STX18: variants seen among roughly 807,000 people sequenced by gnomAD.
STX18 encodes syntaxin-18.
In STX18, 40 loss-of-function variants were observed where a neutral mutation model predicts 50.1. The ratio of observed to expected loss-of-function variants is 0.80; its 90% CI spans 0.62 to 1.04. The LOEUF (loss-of-function observed/expected upper bound fraction) is 1.04. Among genes scored for constraint, STX18 ranks in the 50% least tolerant of loss-of-function variants. STX18 has a pLI of 0.00. For missense variants in STX18, 410 were observed against 415.8 expected (o/e 0.99, Z 0.12); for synonymous variants, 158 against 151.8 (o/e 1.04, Z -0.30).
intron 1 of STX18, chr4:4,499,432 C>CA: frequency 1.1e-6 from 1 of 892,680 alleles, no homozygotes; most frequent in Non-Finnish European, 1.3e-6. Flanking sequence ...CAAAGAAAAC[C>CA]ATACTGTGCT....
intron 7 of STX18, among the ~76,000 whole-genome samples, chr4:4,434,317 A>G (rs969119873): frequency 2.0e-5 from 3 of 152,230 alleles, no homozygotes; most frequent in Non-Finnish European, 4.4e-5. Context: ...ATGGTAAGCT[A>G]TAGCAGCTGG....
intron 7 of STX18, among the ~76,000 whole-genome samples, chr4:4,430,197 A>G (rs1294840676): frequency 6.6e-6 from 1 of 152,246 alleles, no homozygotes; most frequent in African/African-American, 2.4e-5. Context: ...TGGGTGAAAC[A>G]ATGAATTATA....
At chr4:4,483,939 G>A (rs1728577403) in intron 1 of STX18, among the ~76,000 whole-genome samples, 1 of 151,892 alleles carries the variant, frequency 6.6e-6, no homozygotes, top group Admixed American at 6.6e-5. Context: ...TCAGCTCACT[G>A]CAACCTCCAC....
At chr4:4,515,065 A>G (rs1486044015) in intron 1 of STX18, among the ~76,000 whole-genome samples, 1 of 152,218 alleles carries the variant, frequency 6.6e-6, no homozygotes, top group Admixed American at 6.5e-5. Flanking sequence ...CTTTCTCCAT[A>G]TAATTCTCAG....
intron 7 of STX18, among the ~76,000 whole-genome samples, chr4:4,433,593 C>T (rs901532248): frequency 1.5e-5 from 2 of 136,868 alleles, no homozygotes; most frequent in Non-Finnish European, 1.6e-5. Flanking sequence ...GTGAGGAAAA[C>T]AAGACAAGAT....
At chr4:4,492,254 A>C (rs1475747550) in intron 1 of STX18, among the ~76,000 whole-genome samples, 1 of 152,184 alleles carries the variant, frequency 6.6e-6, no homozygotes, top group East Asian at 1.9e-4. Context: ...ATCAGAGCTC[A>C]TTCTTAGAAA....
At chr4:4,542,066 C>CT, upstream of STX18, 1 of 1,292,856 alleles carries the variant, frequency 7.7e-7, no homozygotes, top group Non-Finnish European at 1.0e-6. Flanking sequence ...CCCCACACGC[C>CT]TCCCCCCGGC....
intron 5 of STX18, among the ~76,000 whole-genome samples, chr4:4,452,353 A>T (rs956237458): frequency 3.9e-5 from 6 of 152,242 alleles, no homozygotes; most frequent in South Asian, 2.1e-4. Flanking sequence ...TGGCTATACT[A>T]AACAACAGAT....
intron 1 of STX18, among the ~76,000 whole-genome samples, chr4:4,503,762 T>C (rs1226867284): frequency 3.3e-5 from 5 of 152,172 alleles, no homozygotes; most frequent in African/African-American, 4.8e-5. Context: ...GGTTGTAAAA[T>C]TGATGACTGT....
chr4:4,478,244 G>A (rs939231239), intron 1 of STX18, among the ~76,000 whole-genome samples: 3 of 145,390 alleles, frequency 2.1e-5, no homozygotes, highest in African/African-American at 8.1e-5. Context: ...AAACAAAAAC[G>A]TTTTCACTGA....
At chr4:4,447,320 TG>T (rs1329985039) in intron 5 of STX18, among the ~76,000 whole-genome samples, 2 of 151,172 alleles carry the variant, frequency 1.3e-5, no homozygotes, top group African/African-American at 4.9e-5. Flanking sequence ...CCGGGCGCGG[TG>T]GCTCACGCCT....
At chr4:4,507,353 T>C (rs1327985277) in intron 1 of STX18, 16 of 750,344 alleles carry the variant, frequency 2.1e-5, no homozygotes, top group Non-Finnish European at 3.3e-5. Flanking sequence ...GCCAAGGAAA[T>C]TGAAGTTGGT....
At chr4:4,439,285 CAT>C (rs1266946371) in intron 5 of STX18, among the ~76,000 whole-genome samples, 1 of 128,960 alleles carries the variant, frequency 7.8e-6, no homozygotes, top group South Asian at 2.2e-4. Context: ...AACACACACA[CAT>C]ATATACACAC....
chr4:4,528,946 A>G lies in STX18; in HGVS notation c.168+12851T>C, dbSNP rs1730945192. Reference sequence around the variant, plus strand: ...TCCCAACAACAGAAAAGGGAATTACAATTTTTTTTCAAATGTCTATAATCC... The same window carrying G: ...TCCCAACAACAGAAAAGGGAATTACGATTTTTTTTCAAATGTCTATAATCC... On this transcript the variant is annotated intron_variant, in intron 1 of 10. Coordinates refer to ENST00000306200, the MANE Select transcript of STX18 (RefSeq NM_016930.4). Among the ~76,000 whole-genome samples, 4 of 152,260 alleles carry G rather than the reference A, an allele frequency of 2.6e-5. No homozygotes were observed. In the South Asian group the frequency reaches 6.2e-4, roughly 24 times the overall value.
At chr4:4,505,488 C>T (rs969343105) in intron 1 of STX18, among the ~76,000 whole-genome samples, 2 of 152,052 alleles carry the variant, frequency 1.3e-5, no homozygotes, top group African/African-American at 4.8e-5. Context: ...ATCCAAAACT[C>T]GAAGTATGGG....
intron 1 of STX18, among the ~76,000 whole-genome samples, chr4:4,513,827 C>T (rs1730116799): frequency 6.6e-6 from 1 of 152,162 alleles, no homozygotes; most frequent in African/African-American, 2.4e-5. Context: ...TGTGATGAGA[C>T]AATCATAAAC....
At chr4:4,432,274 G>A (rs1725555899) in intron 7 of STX18, among the ~76,000 whole-genome samples, 1 of 152,216 alleles carries the variant, frequency 6.6e-6, no homozygotes, top group South Asian at 2.1e-4. Flanking sequence ...TCATCTGGGT[G>A]GATAAATCTG....
chr4:4,437,345 G>C (rs747443679), intron 6 of STX18, among the ~76,000 whole-genome samples: 4 of 152,182 alleles, frequency 2.6e-5, no homozygotes, highest in Non-Finnish European at 4.4e-5. Flanking sequence ...CCAGGGGCTA[G>C]AGCCTTATCT....
chr4:4,499,695 T>C (rs1415995886), intron 1 of STX18: 1 of 213,876 alleles, frequency 4.7e-6, no homozygotes, highest in African/African-American at 2.4e-5. Flanking sequence ...TAGAACATTC[T>C]ATCAACGAGA....
Sources: gnomAD v4.1 joint callset for allele counts (sites outside exome capture counted in the v4.1 genomes callset) on GRCh38, gnomAD v4.1.1 for gene constraint, MANE v1.5 for transcripts, NCBI Gene and HGNC (gene_info 2026-07-23, HGNC 2026-07-21) for gene names.